Variants in OXR1 observed in about 807,000 individuals in gnomAD.
OXR1 encodes the protein oxidation resistance 1, also known as oxidation resistance protein 1.
Under a neutral mutation model 104.6 loss-of-function variants are expected in OXR1, and 41 were observed. The observed-to-expected ratio is 0.39, with a 90% CI of 0.31 to 0.51. OXR1 has a LOEUF of 0.51. Among genes scored for constraint, OXR1 ranks in the 20% least tolerant of loss-of-function variants. The pLI, the probability that OXR1 is intolerant of heterozygous loss-of-function variation, is 0.77. For synonymous variants in OXR1, 348 were observed against 348.4 expected (o/e 1.00, Z 0.01); for missense variants, 955 against 1,031.9 (o/e 0.93, Z 1.02).
At chr8:106,308,976 A>ATT (rs11372941) in intron 1 of OXR1, among the ~76,000 whole-genome samples, 79 of 143,844 alleles carry the variant, frequency 5.5e-4, no homozygotes, top group South Asian at 1.1e-3. Flanking sequence ...TTAAATTTTA[A>ATT]TTTTTTTTTT....
chr8:106,391,700 T>G (rs10086335), intron 2 of OXR1, among the ~76,000 whole-genome samples: 90,932 of 151,968 alleles, frequency 0.6, 27,757 homozygotes, highest in Middle Eastern at 0.66. Context: ...TTTTTAAATC[T>G]TAGCATACAG....
intron 2 of OXR1, among the ~76,000 whole-genome samples, chr8:106,420,465 A>G (rs1818859805): frequency 6.6e-6 from 1 of 151,960 alleles, no homozygotes; most frequent in African/African-American, 2.4e-5. Context: ...TAAATAAGTG[A>G]TGTTTTAAAA....
chr8:106,396,131 C>G (rs1030065088), intron 2 of OXR1, among the ~76,000 whole-genome samples: 2 of 151,994 alleles, frequency 1.3e-5, no homozygotes, highest in Non-Finnish European at 2.9e-5. Flanking sequence ...AGAGGGAGAA[C>G]AGATAAATCT....
intron 2 of OXR1, among the ~76,000 whole-genome samples, chr8:106,397,810 C>T (rs2130464076): frequency 6.6e-6 from 1 of 152,184 alleles, no homozygotes; most frequent in South Asian, 2.1e-4. Context: ...TAGTTTTTTG[C>T]AGCTGCCACA....
intron 8 of OXR1, among the ~76,000 whole-genome samples, chr8:106,703,672 A>T (rs986538276): frequency 6.6e-6 from 1 of 152,092 alleles, no homozygotes; most frequent in Non-Finnish European, 1.5e-5. Flanking sequence ...ATATGTTAAG[A>T]TAGCTGTGAG....
rs531133853 is a variant in OXR1 at position 106,483,094 on chromosome 8, T to C, written c.24-35849T>C. ...AACCATTAGGGGAAAAGAAATACAA[T>C]ATACCAATAGGTATATTGGTATATT... On this transcript the variant is annotated intron_variant, in intron 2 of 16. Coordinates refer to ENST00000517566, the MANE Select transcript of OXR1 (RefSeq NM_001198533.2). Among the ~76,000 whole-genome samples the C allele has an allele frequency of 2.0e-5, 3 of 152,066 alleles. No homozygotes were observed. The East Asian group carries it at 5.8e-4, about 30-fold the overall frequency.
intron 1 of OXR1, among the ~76,000 whole-genome samples, chr8:106,315,878 G>A (rs993587152): frequency 6.6e-6 from 1 of 152,094 alleles, no homozygotes; most frequent in African/African-American, 2.4e-5. Flanking sequence ...AGAGGCATGT[G>A]GAGTAGATCA....
At chr8:106,656,397 G>C (rs1182612453) in intron 3 of OXR1, 1 of 152,222 alleles carries the variant, frequency 6.6e-6, no homozygotes, top group Non-Finnish European at 1.5e-5. Flanking sequence ...AGCTCTCTGG[G>C]TCCCTTTTTT....
chr8:106,530,531 T>C (rs1287611565), intron 3 of OXR1, among the ~76,000 whole-genome samples: 1 of 152,184 alleles, frequency 6.6e-6, no homozygotes, highest in South Asian at 2.1e-4. Context: ...TTAACAGTTA[T>C]GACTGAAAGA....
chr8:106,308,569 T>C (rs1182982100), intron 1 of OXR1, among the ~76,000 whole-genome samples: 2 of 152,230 alleles, frequency 1.3e-5, no homozygotes, highest in Non-Finnish European at 2.9e-5. Context: ...TTGCCTTCCC[T>C]GTGTATTAGC....
At chr8:106,580,156 G>A (rs974999777) in intron 3 of OXR1, among the ~76,000 whole-genome samples, 3 of 152,152 alleles carry the variant, frequency 2.0e-5, no homozygotes, top group Admixed American at 6.5e-5. Flanking sequence ...TGGTTCAGTA[G>A]TGTGAAGAAT....
intron 3 of OXR1, among the ~76,000 whole-genome samples, chr8:106,530,084 T>C (rs1201255735): frequency 2.0e-5 from 3 of 152,210 alleles, no homozygotes; most frequent in Non-Finnish European, 4.4e-5. Context: ...AAGCAAGACC[T>C]ACTCTATTTT....
chr8:106,478,286 C>T (rs1248213835), intron 2 of OXR1, among the ~76,000 whole-genome samples: 1 of 151,728 alleles, frequency 6.6e-6, no homozygotes, highest in African/African-American at 2.4e-5. Context: ...AGCACACTAT[C>T]CTTAATATAT....
chr8:106,629,060 A>G (rs940859674), intron 3 of OXR1, among the ~76,000 whole-genome samples: 6 of 152,194 alleles, frequency 3.9e-5, no homozygotes, highest in Non-Finnish European at 8.8e-5. Flanking sequence ...TGAAGAAAAG[A>G]CAAAATCACC....
intron 3 of OXR1, among the ~76,000 whole-genome samples, chr8:106,596,914 ATGG>A (rs1819572745): frequency 6.6e-6 from 1 of 152,160 alleles, no homozygotes; most frequent in African/African-American, 2.4e-5. Context: ...TTATCTGGGC[ATGG>A]TGGTGTGCAC....
At chr8:106,429,026 G>A (rs946970860) in intron 2 of OXR1, among the ~76,000 whole-genome samples, 4 of 152,172 alleles carry the variant, frequency 2.6e-5, no homozygotes, top group Admixed American at 2.0e-4. Flanking sequence ...GAGTCATTAC[G>A]CTACTTATCT....
intron 2 of OXR1, among the ~76,000 whole-genome samples, chr8:106,366,320 A>G (rs1816467007): frequency 6.6e-6 from 1 of 152,208 alleles, no homozygotes; most frequent in Admixed American, 6.5e-5. Flanking sequence ...ATTTCCTTAG[A>G]CTGTAGAAGC....
chr8:106,715,977 C>T (rs1832208669), intron 11 of OXR1, among the ~76,000 whole-genome samples: 1 of 152,144 alleles, frequency 6.6e-6, no homozygotes. Flanking sequence ...CAGCACTAGC[C>T]ATATGTGGCT....
chr8:106,707,876 T>C (rs1828343969), intron 9 of OXR1, among the ~76,000 whole-genome samples: 1 of 152,200 alleles, frequency 6.6e-6, no homozygotes, highest in Admixed American at 6.5e-5. Flanking sequence ...TTTTCTTTCA[T>C]TTTTTAAATT....
Sources: allele counts gnomAD v4.1 joint callset (sites outside exome capture counted in the v4.1 genomes callset), GRCh38; gene constraint gnomAD v4.1.1; transcripts MANE v1.5; gene names NCBI Gene and HGNC (gene_info 2026-07-23, HGNC 2026-07-21).